DCP2: variants seen among roughly 807,000 people sequenced by gnomAD.
The protein encoded by DCP2 is decapping mRNA 2, also known as m7GpppN-mRNA hydrolase.
DCP2 carries 30 observed loss-of-function variants against 56.1 expected under a neutral mutation model. The observed-to-expected ratio is 0.53, with a 90% CI of 0.40 to 0.73. The LOEUF (loss-of-function observed/expected upper bound fraction) is 0.73, where lower values mean the gene tolerates loss of function less well. DCP2 is among the 30% of genes least tolerant of loss of function. DCP2 has a pLI of 0.00. For missense variants in DCP2, 533 were observed against 502.7 expected, an observed-to-expected ratio of 1.06 and a Z score of -0.58; for synonymous variants, 197 against 163.3, an observed-to-expected ratio of 1.21 and a Z score of -1.57.
At position 113,001,365 on chromosome 5, in the gene DCP2, G is replaced by C. The variant is rs1374539239; in HGVS notation, c.594G>C (p.Glu198Asp). 1 of 1,611,470 alleles carries C rather than the reference G, an allele frequency of 6.2e-7. No individual in the cohort carries two copies. The highest frequency in any genetic ancestry group is 8.5e-7 in the Non-Finnish European group (1 of 1,179,310). The change falls in exon 6 of 11, where the codon GAG (glutamate) becomes GAC (aspartate). Residue 198 changes from glutamate (E) to aspartate (D), a missense_variant. By Grantham distance (45) the Glu-to-Asp change is conservative. Transcript: ENST00000389063. ...TTTCTTCTGTGTTTCAGAACATTGA[G>C]TGGTTCTCTATTGAGAAATTGCCTT... ...PKTRREIRNIEWFSIEKLPCH... is the reference protein window; with the variant it reads ...PKTRREIRNIDWFSIEKLPCH...
chr5:113,001,247 A>G lies in DCP2; in HGVS notation c.585+11A>G. 1 of 1,611,936 alleles carries G rather than the reference A, an allele frequency of 6.2e-7. No individual in the cohort carries two copies. Among genetic ancestry groups the G allele is most frequent in the Non-Finnish European group, 8.5e-7 (1 of 1,179,276 alleles). ...AGAAGAGAAATTCGGGTATGTAACA[A>G]GAGTATTTTCAGGTTACTGGACAGT... On this transcript the variant is annotated intron_variant, in intron 5 of 10. Coordinates refer to ENST00000389063, the MANE Select transcript of DCP2 (RefSeq NM_152624.6).
chr5:112,992,842 GACTT>G (rs1561691751), intron 4 of DCP2, 72 bp downstream of exon 4: 1 of 1,177,586 alleles, frequency 8.5e-7, no homozygotes, highest in Non-Finnish European at 1.2e-6. Context: ...TAGCCATATA[GACTT>G]ACTTCTTTGG....
chr5:113,003,132 A>T (rs974504364), intron 7 of DCP2, among the ~76,000 whole-genome samples: 6 of 139,528 alleles, frequency 4.3e-5, no homozygotes, highest in African/African-American at 5.5e-5. Context: ...GATGTCTTTC[A>T]GAATCTGTTA....
rs1425999111 is a variant in DCP2 at position 113,022,057 on chromosome 5, C to G, written c.*8573C>G. The G allele has an allele frequency of 6.6e-6, 1 of 152,128 alleles. No individual in the cohort carries two copies. Among genetic ancestry groups the G allele is most frequent in the Non-Finnish European group, 1.5e-5 (1 of 68,016 alleles). 9.4% of individuals were successfully genotyped at this position (152,128 alleles called of 1,614,324 possible). On this transcript the variant is annotated 3_prime_UTR_variant, in exon 11 of 11. Transcript: ENST00000389063. ...ATTTGCCTGCATGTATATCACAGTT[C>G]TACAGAAGGATAGCCTTACCCTTTA...
intron 9 of DCP2, 121 bp from the exon 10 acceptor site, chr5:113,010,635 T>C: frequency 8.9e-7 from 1 of 1,128,166 alleles, no homozygotes; most frequent in Non-Finnish European, 1.2e-6. Flanking sequence ...GATGATTATA[T>C]TCCTGGTTCA....
At chr5:112,991,459 T>G (rs1204253981) in intron 2 of DCP2, among the ~76,000 whole-genome samples, 1 of 152,200 alleles carries the variant, frequency 6.6e-6, no homozygotes, top group East Asian at 1.9e-4. Context: ...CATGCCTAGT[T>G]TCTTTGAAAC....
intron 1 of DCP2, 152 bp from the exon 2 acceptor site, chr5:112,985,683 G>A (rs757829519): frequency 2.2e-5 from 16 of 728,288 alleles, no homozygotes; most frequent in Non-Finnish European, 3.2e-5. Context: ...CTTCCCTATA[G>A]TATTTCTCTC....
At chr5:113,000,588 G>A (rs568636429) in intron 4 of DCP2, among the ~76,000 whole-genome samples, 24 of 152,180 alleles carry the variant, frequency 1.6e-4, no homozygotes, top group Middle Eastern at 3.4e-3. Context: ...ACATTATTAA[G>A]CTCTATCTCA....
rs1263492899 is a variant in DCP2 at position 113,015,943 on chromosome 5, A to G, written c.*2459A>G. 6.6e-6 allele frequency: 1 copy of G among 152,660 alleles called. No homozygotes were observed. Among genetic ancestry groups the G allele is most frequent in the Non-Finnish European group, 1.5e-5 (1 of 68,040 alleles). The allele number at this position is 152,660 out of a possible 1,614,324, so 9.5% of individuals were successfully genotyped here. The stretch of plus-strand genomic sequence containing the variant: ...TTACTTCTACTGAGTGCTGCATTTT[A>G]AGATGCTAGATGAGAAGAGTAGTTG... On this transcript the variant is annotated 3_prime_UTR_variant, in exon 11 of 11. Coordinates refer to ENST00000389063, the MANE Select transcript of DCP2 (RefSeq NM_152624.6).
intron 4 of DCP2, among the ~76,000 whole-genome samples, chr5:113,000,318 G>T (rs13176362): frequency 0.45 from 60,027 of 132,384 alleles, 15,404 homozygotes; most frequent in East Asian, 0.64. Context: ...TCCTCCCTCT[G>T]TGGCCTCCCA....
At chr5:113,002,877 A>G (rs1749244775) in intron 7 of DCP2, among the ~76,000 whole-genome samples, 1 of 152,188 alleles carries the variant, frequency 6.6e-6, no homozygotes, top group Non-Finnish European at 1.5e-5. Flanking sequence ...CTGGGAAAGT[A>G]ACTTTGTTAA....
At position 112,982,364 on chromosome 5, in the gene DCP2, A is replaced by G. The variant is rs373350499; in HGVS notation, c.54-3471A>G. 1.8e-3 allele frequency among the ~76,000 whole-genome samples: 277 copies of G among 152,330 alleles called. 1 individual carries two copies. The highest frequency in any genetic ancestry group is 6.4e-3 in the African/African-American group (265 of 41,574). On this transcript the variant is annotated intron_variant, in intron 1 of 10. Coordinates refer to ENST00000389063, the MANE Select transcript of DCP2 (RefSeq NM_152624.6). The stretch of plus-strand genomic sequence containing the variant: ...TCCTCAGACTTGCCTAGCAACTAGA[A>G]TACTAGAATTCACTTTCACAACTCT...
chr5:113,005,151 G>GGGGTGTGTGTGT (rs140772660), intron 8 of DCP2, among the ~76,000 whole-genome samples: 81 of 149,524 alleles, frequency 5.4e-4, no homozygotes, highest in African/African-American at 1.8e-3. Flanking sequence ...TGTGCGTGTG[G>GGGGTGTGTGTGT]GTGTGTGTGT....
chr5:113,002,667 A>T (rs774592102), intron 7 of DCP2, among the ~76,000 whole-genome samples: 16 of 152,168 alleles, frequency 1.1e-4, no homozygotes, highest in African/African-American at 2.2e-4. Context: ...ACACAGGCAG[A>T]TGCCACTAAG....
At chr5:112,987,008 G>GA (rs1028799249) in intron 2 of DCP2, among the ~76,000 whole-genome samples, 1 of 152,094 alleles carries the variant, frequency 6.6e-6, no homozygotes, top group Non-Finnish European at 1.5e-5. Context: ...GTCTCAAAGA[G>GA]AAAAAAGTCA....
chr5:112,984,501 A>T (rs1368987127), intron 1 of DCP2: 1 of 151,804 alleles, frequency 6.6e-6, no homozygotes, highest in Non-Finnish European at 1.5e-5. Context: ...TTTATCATGG[A>T]CTGTGCTAAA....
chr5:113,011,788 A>T (rs963934925), intron 10 of DCP2, among the ~76,000 whole-genome samples: 4 of 152,158 alleles, frequency 2.6e-5, no homozygotes, highest in African/African-American at 9.7e-5. Flanking sequence ...CATTGTGAAG[A>T]TGGGCATCAG....
chr5:112,995,188 A>T (rs369055558), intron 4 of DCP2, among the ~76,000 whole-genome samples: 4 of 152,246 alleles, frequency 2.6e-5, no homozygotes, highest in East Asian at 3.8e-4. Flanking sequence ...AACAGCCTAT[A>T]GACAAAGCTG....
Position 113,017,881 on chromosome 5 carries a change from C to T in DCP2, c.*4397C>T, listed in dbSNP as rs1476316450. Reference sequence around the variant, plus strand: ...ATCGCCATTATCGAGTGTTTTCTAGCCCTGGATAAAGTTAATTTTTTTGAA... The same window carrying T: ...ATCGCCATTATCGAGTGTTTTCTAGTCCTGGATAAAGTTAATTTTTTTGAA... On this transcript the variant is annotated 3_prime_UTR_variant, in exon 11 of 11. Transcript: ENST00000389063. 6.6e-6 allele frequency: 1 copy of T among 152,006 alleles called. No individual in the cohort carries two copies. The highest frequency in any genetic ancestry group is 1.5e-5 in the Non-Finnish European group (1 of 68,018). 9.4% of individuals were successfully genotyped at this position (152,006 alleles called of 1,614,324 possible).
Sources: gnomAD v4.1 joint callset for allele counts (sites outside exome capture counted in the v4.1 genomes callset) on GRCh38, gnomAD v4.1.1 for gene constraint, MANE v1.5 for transcripts, NCBI Gene and HGNC (gene_info 2026-07-23, HGNC 2026-07-21) for gene names.